GPC3: variants seen among roughly 807,000 people sequenced by gnomAD.
GPC3 encodes the protein glypican 3, also known as glypican-3.
Under a neutral mutation model 34.4 loss-of-function variants are expected in GPC3, and 3 were observed. The ratio of observed to expected loss-of-function variants is 0.09; its 90% confidence interval spans 0.04 to 0.23. The LOEUF (loss-of-function observed/expected upper bound fraction) is 0.23, where lower values mean the gene tolerates loss of function less well. GPC3 is among the 10% of genes least tolerant of loss of function. The pLI is 1.00. For missense variants in GPC3, 351 were observed against 445.6 expected (o/e 0.79, Z 1.91); for synonymous variants, 177 against 174.0 (o/e 1.02, Z -0.13).
intron 6 of GPC3, among the ~76,000 whole-genome samples, chrX:133,645,443 T>A (rs1196996381): frequency 8.9e-6 from 1 of 112,064 alleles, no homozygotes; most frequent in African/African-American, 3.2e-5. Context: ...AATTGAACAC[T>A]CTGGCGAGAA....
chrX:133,980,009 G>A (rs1423093580), intron 1 of GPC3, among the ~76,000 whole-genome samples: 5 of 111,890 alleles, frequency 4.5e-5, no homozygotes, highest in Non-Finnish European at 9.4e-5. Flanking sequence ...ACAGGTCCAT[G>A]CATGTGTTAT....
chrX:133,850,620 T>A (rs1299614176), intron 2 of GPC3, among the ~76,000 whole-genome samples: 1 of 111,213 alleles, frequency 9.0e-6, no homozygotes, highest in African/African-American at 3.3e-5. Flanking sequence ...ATCAGAATGA[T>A]CATGCAATTT....
rs774394721 is a variant in GPC3 at position 133,859,357 on chromosome X, G to A, written c.337+93693C>T. Among the ~76,000 whole-genome samples the A allele has an allele frequency of 3.6e-5, 4 of 111,261 alleles. No individual in the cohort carries two copies. The East Asian group carries it at 1.1e-3, about 32-fold the overall frequency. ...CTAAGGCAGAGCTATTAGGACCTGA[G>A]GGAAGGATTCCTGGAGTGAAGCAAT... On this transcript the variant is annotated intron_variant, in intron 2 of 7. Coordinates refer to ENST00000370818, the MANE Select transcript of GPC3 (RefSeq NM_004484.4).
intron 2 of GPC3, among the ~76,000 whole-genome samples, chrX:133,868,890 A>T (rs1354649951): frequency 2.7e-5 from 3 of 111,856 alleles, no homozygotes; most frequent in Non-Finnish European, 5.6e-5. Flanking sequence ...ATCTGTATCT[A>T]CTTAAGCCCA....
chrX:133,596,736 T>C, intron 6 of GPC3, 137 bp from the exon 7 acceptor site: 1 of 635,986 alleles, frequency 1.6e-6, no homozygotes, highest in Non-Finnish European at 2.6e-6. Flanking sequence ...CAAATTTACG[T>C]AGGTGTAAAC....
intron 2 of GPC3, among the ~76,000 whole-genome samples, chrX:133,820,957 T>C (rs1239249559): frequency 8.9e-6 from 1 of 111,878 alleles, no homozygotes; most frequent in African/African-American, 3.3e-5. Flanking sequence ...AGGAAACATA[T>C]GCCAGAAACT....
chrX:133,985,234 C>A, intron 1 of GPC3, 41 bp downstream of exon 1: 1 of 1,199,461 alleles, frequency 8.3e-7, no homozygotes, highest in Non-Finnish European at 1.1e-6. Context: ...GCGCCTTGCT[C>A]CCCGCTGGGC....
intron 6 of GPC3, 122 bp downstream of exon 6, chrX:133,661,597 TCTCTCTCTCTC>T (rs2070721152): frequency 4.5e-5 from 1 of 22,374 alleles, no homozygotes; most frequent in Admixed American, 3.9e-4. Context: ...TCTCTCTCTC[TCTCTCTCTCTC>T]TCTCTCTCTC....
At chrX:133,831,447 T>C (rs2075774737) in intron 2 of GPC3, among the ~76,000 whole-genome samples, 1 of 112,195 alleles carries the variant, frequency 8.9e-6, no homozygotes, top group Non-Finnish European at 1.9e-5. Flanking sequence ...AACTCAACTG[T>C]AGGCTGGGTG....
chrX:133,869,758 C>G (rs892201093), intron 2 of GPC3, among the ~76,000 whole-genome samples: 2 of 111,345 alleles, frequency 1.8e-5, no homozygotes, highest in African/African-American at 6.6e-5. Context: ...CAGAGACCAT[C>G]CTGGCTAACA....
At position 133,782,729 on chromosome X, in the gene GPC3, A is replaced by G. The variant is rs112366347; in HGVS notation, c.338-28553T>C. Among the ~76,000 whole-genome samples the G allele has an allele frequency of 8.6e-3, 965 of 111,607 alleles. 7 individuals are homozygous for G. The highest frequency in any genetic ancestry group is 0.029 in the African/African-American group (901 of 30,679). On this transcript the variant is annotated intron_variant, in intron 2 of 7. Transcript: ENST00000370818. ...AAATGAATTTTGGATCACCCATTCTATCAGATTACCTATGTCTCTACTCCT... is the reference window on the plus strand; with the variant it reads ...AAATGAATTTTGGATCACCCATTCTGTCAGATTACCTATGTCTCTACTCCT...
chrX:133,741,686 T>A (rs1169254357), intron 3 of GPC3, among the ~76,000 whole-genome samples: 1 of 112,822 alleles, frequency 8.9e-6, no homozygotes, highest in Non-Finnish European at 1.9e-5. Context: ...AAGGTAATGA[T>A]AATCCCCGTC....
intron 2 of GPC3, among the ~76,000 whole-genome samples, chrX:133,820,263 C>A (rs904467641): frequency 8.9e-6 from 1 of 112,167 alleles, no homozygotes; most frequent in Non-Finnish European, 1.9e-5. Flanking sequence ...ATGCAAAGGG[C>A]AGCATGAGAT....
At chrX:133,875,558 A>T (rs1332759596) in intron 2 of GPC3, among the ~76,000 whole-genome samples, 1 of 110,629 alleles carries the variant, frequency 9.0e-6, no homozygotes, top group African/African-American at 3.3e-5. Flanking sequence ...TGTCTTTAAG[A>T]TTTTGCTTAG....
intron 7 of GPC3, among the ~76,000 whole-genome samples, chrX:133,589,406 C>T (rs374465090): frequency 9.0e-6 from 1 of 111,113 alleles, no homozygotes; most frequent in Non-Finnish European, 1.9e-5. Flanking sequence ...GATGGAGTCT[C>T]ACTCTTGTTG....
intron 3 of GPC3, among the ~76,000 whole-genome samples, chrX:133,712,928 T>C (rs1350089970): frequency 3.6e-5 from 4 of 111,830 alleles, no homozygotes; most frequent in Non-Finnish European, 3.8e-5. Context: ...AGATTTGACA[T>C]TGCTGAATGC....
chrX:133,803,574 G>C (rs2124521265), intron 2 of GPC3, among the ~76,000 whole-genome samples: 1 of 112,054 alleles, frequency 8.9e-6, no homozygotes, highest in African/African-American at 3.2e-5. Flanking sequence ...ATAGTCAAAG[G>C]GGAAAAATTC....
At chrX:133,654,682 A>C (rs1408988293) in intron 6 of GPC3, among the ~76,000 whole-genome samples, 1 of 109,912 alleles carries the variant, frequency 9.1e-6, no homozygotes, top group South Asian at 4.0e-4. Flanking sequence ...ACTGCACTCC[A>C]GCCTGAGCGA....
chrX:133,704,278 A>T, intron 3 of GPC3: 1 of 303,702 alleles, frequency 3.3e-6, no homozygotes, highest in Non-Finnish European at 4.5e-6. Flanking sequence ...AGTTTCCTTG[A>T]AAAAAAAAAA....
Sources: allele counts gnomAD v4.1 joint callset (sites outside exome capture counted in the v4.1 genomes callset), GRCh38; gene constraint gnomAD v4.1.1; transcripts MANE v1.5; gene names NCBI Gene and HGNC (gene_info 2026-07-23, HGNC 2026-07-21).